SORCS3: variants seen among roughly 807,000 people sequenced by gnomAD.
SORCS3 encodes the protein sortilin related VPS10 domain containing receptor 3, also known as VPS10 domain-containing receptor SorCS3.
SORCS3 carries 57 observed loss-of-function variants against 146.3 expected under a neutral mutation model. That is an observed-to-expected ratio of 0.39 (90% CI 0.31 to 0.49). The LOEUF (loss-of-function observed/expected upper bound fraction) is 0.49. Ranked by LOEUF, SORCS3 falls within the 20% of genes least tolerant of loss-of-function variation. The pLI is 0.92. For synonymous variants in SORCS3, 653 were observed against 618.5 expected (o/e 1.06, Z -0.83); for missense variants, 1,341 against 1,575.5 (o/e 0.85, Z 2.52).
intron 2 of SORCS3, among the ~76,000 whole-genome samples, chr10:104,908,926 C>A (rs2018936599): frequency 6.6e-6 from 1 of 152,128 alleles, no homozygotes; most frequent in Non-Finnish European, 1.5e-5. Flanking sequence ...AGATGTTTGA[C>A]CTGATGTGGC....
Position 105,247,236 on chromosome 10 carries a change from C to T in SORCS3, c.3010C>T (p.Leu1004Phe). 6.2e-7 allele frequency: 1 copy of T among 1,602,864 alleles called. No homozygotes were observed. Among genetic ancestry groups the T allele is most frequent in the Non-Finnish European group, 8.5e-7 (1 of 1,171,500 alleles). ...IAVHEYFQSQ[L>F]LSFSPNLDYH... Reference sequence around the variant, plus strand: ...CCCTGCAGAATATTTCCAGTCCCAGCTTTTATCATTCTCTCCTAATCTGGA... The same window carrying T: ...CCCTGCAGAATATTTCCAGTCCCAGTTTTTATCATTCTCTCCTAATCTGGA... The change falls in exon 22 of 27, where the codon CTT (leucine) becomes TTT (phenylalanine). Residue 1004 changes from leucine to phenylalanine, a missense_variant. Coordinates refer to ENST00000369701, the MANE Select transcript of SORCS3 (RefSeq NM_014978.3).
Position 105,145,706 on chromosome 10 carries a change from T to C in SORCS3, c.1303-1911T>C, listed in dbSNP as rs561821613. 3.9e-5 allele frequency among the ~76,000 whole-genome samples: 6 copies of C among 152,214 alleles called. No individual in the cohort carries two copies. The East Asian group carries it at 5.8e-4, about 15-fold the overall frequency. ...ACGGTTTTTAAGAGTAAGCTTTTTTTCCCATTTTCAAGCAGCTCAGCAGGA... is the reference window on the plus strand; with the variant it reads ...ACGGTTTTTAAGAGTAAGCTTTTTTCCCCATTTTCAAGCAGCTCAGCAGGA... On this transcript the variant is annotated intron_variant, in intron 8 of 26. Coordinates refer to ENST00000369701, the MANE Select transcript of SORCS3 (RefSeq NM_014978.3).
At chr10:105,216,850 G>A in intron 18 of SORCS3, 86 bp from the exon 19 acceptor site, 2 of 1,334,890 alleles carry the variant, frequency 1.5e-6, no homozygotes, top group South Asian at 1.3e-5. Flanking sequence ...GTCATCAGAG[G>A]TTGATGCTGA....
In SORCS3 at chr10:105,000,947, T is replaced by C. The variant is rs61867193; in HGVS notation, c.954+23454T>C. Among the ~76,000 whole-genome samples, 384 of 152,346 alleles carry C rather than the reference T, an allele frequency of 2.5e-3. 1 individual carries two copies. Among genetic ancestry groups the C allele is most frequent in the Admixed American group, 4.1e-3 (63 of 15,292 alleles). On this transcript the variant is annotated intron_variant, in intron 4 of 26. Coordinates refer to ENST00000369701, the MANE Select transcript of SORCS3 (RefSeq NM_014978.3). ...CATTATCGAGTCAGATACTGCTTTA[T>C]TTTTGAGGTCTTAGTTTGATTTTGA...
intron 1 of SORCS3, among the ~76,000 whole-genome samples, chr10:104,686,432 G>A (rs1263877052): frequency 6.6e-6 from 1 of 152,100 alleles, no homozygotes; most frequent in Non-Finnish European, 1.5e-5. Flanking sequence ...ACTCACCCCT[G>A]CACCAGCCTC....
At chr10:105,151,171 T>C (rs1303334619) in intron 9 of SORCS3, among the ~76,000 whole-genome samples, 1 of 152,128 alleles carries the variant, frequency 6.6e-6, no homozygotes, top group African/African-American at 2.4e-5. Context: ...ACTTGAGTAA[T>C]TTGGAGAGAC....
rs1373278310 is a variant in SORCS3 at position 105,115,479 on chromosome 10, T to G, written c.1212+9964T>G. Among the ~76,000 whole-genome samples the G allele has an allele frequency of 2.6e-5, 4 of 152,302 alleles. No homozygotes were observed. In the East Asian group the frequency reaches 7.7e-4, roughly 29 times the overall value. Reference sequence around the variant, plus strand: ...TCTTTTCTCCAAATTCGTTTTTAAATTATTCATAGATTCAATTCATGTATC... The same window carrying G: ...TCTTTTCTCCAAATTCGTTTTTAAAGTATTCATAGATTCAATTCATGTATC... On this transcript the variant is annotated intron_variant, in intron 7 of 26. Coordinates refer to ENST00000369701, the MANE Select transcript of SORCS3 (RefSeq NM_014978.3).
intron 7 of SORCS3, among the ~76,000 whole-genome samples, chr10:105,127,439 T>G (rs2055984056): frequency 6.6e-6 from 1 of 152,092 alleles, no homozygotes; most frequent in South Asian, 2.1e-4. Flanking sequence ...GCTTTAAGTC[T>G]TACCTTTTAG....
At chr10:105,076,352 G>A (rs1349866159) in intron 5 of SORCS3, among the ~76,000 whole-genome samples, 1 of 152,166 alleles carries the variant, frequency 6.6e-6, no homozygotes, top group Non-Finnish European at 1.5e-5. Flanking sequence ...ATCTCCACAA[G>A]TACCCTGTTA....
intron 5 of SORCS3, among the ~76,000 whole-genome samples, chr10:105,073,278 C>A (rs752869519): frequency 6.6e-6 from 1 of 152,154 alleles, no homozygotes; most frequent in Non-Finnish European, 1.5e-5. Flanking sequence ...GTTCCAGGTG[C>A]GGAGATCTTG....
At chr10:104,668,874 T>G (rs1480375117) in intron 1 of SORCS3, among the ~76,000 whole-genome samples, 1 of 152,212 alleles carries the variant, frequency 6.6e-6, no homozygotes, top group African/African-American at 2.4e-5. Context: ...ATATTAGAGA[T>G]ATTTTCCCCA....
intron 2 of SORCS3, among the ~76,000 whole-genome samples, chr10:104,844,697 CA>C (rs1008795387): frequency 6.6e-6 from 1 of 152,138 alleles, no homozygotes; most frequent in Non-Finnish European, 1.5e-5. Context: ...ACAATTACTA[CA>C]AACTGAGTGG....
intron 4 of SORCS3, among the ~76,000 whole-genome samples, chr10:104,987,039 G>A (rs2054966060): frequency 6.6e-6 from 1 of 152,020 alleles, no homozygotes; most frequent in Admixed American, 6.6e-5. Flanking sequence ...TATCTGTGAA[G>A]CACAATGAAA....
At chr10:104,726,425 T>C (rs1158347502) in intron 1 of SORCS3, among the ~76,000 whole-genome samples, 1 of 152,188 alleles carries the variant, frequency 6.6e-6, no homozygotes, top group East Asian at 1.9e-4. Context: ...GGATTAATGC[T>C]GTAGGCCAAC....
At chr10:104,734,984 A>G (rs918359729) in intron 1 of SORCS3, among the ~76,000 whole-genome samples, 24 of 152,194 alleles carry the variant, frequency 1.6e-4, no homozygotes, top group African/African-American at 5.8e-4. Flanking sequence ...CTTTTTTTAA[A>G]AAACCATTTT....
chr10:104,642,000 AGGGGAATGG>A lies in SORCS3; in HGVS notation c.627+51_627+59del. The A allele has an allele frequency of 1.3e-5, 1 of 75,274 alleles. No individual in the cohort carries two copies. The highest frequency in any genetic ancestry group is 2.6e-5 in the Non-Finnish European group (1 of 38,530). 4.7% of individuals were successfully genotyped at this position (75,274 alleles called of 1,614,324 possible). ...GGGTCCGCCTGTTTCCTGACACCGAAGGGGAATGGGGGGGTGGGTGGGAGCGAGGGACAG... is the reference window on the plus strand; with the variant it reads ...GGGTCCGCCTGTTTCCTGACACCGAAGGGGGTGGGTGGGAGCGAGGGACAG... On this transcript the variant is annotated intron_variant, in intron 1 of 26. Transcript: ENST00000369701. The surrounding 1 kb of genome is among the most constrained non-coding windows in gnomAD (Gnocchi z 6.4).
chr10:105,212,523 C>T (rs916815402), intron 17 of SORCS3, among the ~76,000 whole-genome samples: 2 of 152,194 alleles, frequency 1.3e-5, no homozygotes, highest in African/African-American at 4.8e-5. Flanking sequence ...TGAATTAAAG[C>T]ATTTCATAGG....
chr10:104,643,709 G>GGGGT lies in SORCS3; in HGVS notation c.627+1756_627+1757insGGTG, dbSNP rs758845919. Among the ~76,000 whole-genome samples the GGGGT allele has an allele frequency of 3.6e-3, 525 of 144,726 alleles. 1 individual carries two copies. The highest frequency in any genetic ancestry group is 0.013 in the South Asian group (57 of 4,414). 94.9% of individuals were successfully genotyped at this position (144,726 alleles called of 152,430 possible). ...AACTTCATTTTAGTTTGATAATTAG[G>GGGGT]GTGTGTGTGTGTGTGTGTGTGTGTG... On this transcript the variant is annotated intron_variant, in intron 1 of 26. Coordinates refer to ENST00000369701, the MANE Select transcript of SORCS3 (RefSeq NM_014978.3).
chr10:104,893,918 A>T (rs1423712096), intron 2 of SORCS3, among the ~76,000 whole-genome samples: 1 of 151,882 alleles, frequency 6.6e-6, no homozygotes, highest in Non-Finnish European at 1.5e-5. Context: ...CACCTGTTCC[A>T]TCCTCCCTTT....
Sources: allele counts gnomAD v4.1 joint callset (sites outside exome capture counted in the v4.1 genomes callset), GRCh38; gene constraint gnomAD v4.1.1; non-coding constraint Gnocchi (gnomAD v3.1); transcripts MANE v1.5; gene names NCBI Gene and HGNC (gene_info 2026-07-23, HGNC 2026-07-21).